CSGALNACT1: variants seen among roughly 807,000 people sequenced by gnomAD.
The protein encoded by CSGALNACT1 is chondroitin sulfate N-acetylgalactosaminyltransferase 1.
Under a neutral mutation model 51.0 loss-of-function variants are expected in CSGALNACT1, and 52 were observed. The observed-to-expected ratio is 1.02, with a 90% CI of 0.82 to 1.29. CSGALNACT1 has a LOEUF of 1.29. Among genes scored for constraint, CSGALNACT1 ranks in the 50% most tolerant of loss-of-function variants. The pLI is 0.00. For missense variants in CSGALNACT1, 935 were observed against 679.2 expected (o/e 1.38, Z -4.19); for synonymous variants, 341 against 254.4 (o/e 1.34, Z -3.24).
At chr8:19,468,314 C>T (rs537344302) in intron 4 of CSGALNACT1, among the ~76,000 whole-genome samples, 5 of 152,220 alleles carry the variant, frequency 3.3e-5, no homozygotes, top group Admixed American at 6.5e-5. Context: ...TGAGGCAGTT[C>T]GGCAAGGCTG....
At chr8:19,483,881 G>A (rs2072151095) in intron 4 of CSGALNACT1, among the ~76,000 whole-genome samples, 1 of 152,136 alleles carries the variant, frequency 6.6e-6, no homozygotes, top group South Asian at 2.1e-4. Context: ...ACCTCAATCT[G>A]ACAGATAGCT....
chr8:19,407,883 T>G (rs570080946), intron 9 of CSGALNACT1, among the ~76,000 whole-genome samples: 10 of 151,266 alleles, frequency 6.6e-5, no homozygotes, highest in African/African-American at 2.5e-4. Context: ...TGTGTGTGCA[T>G]GTGGACATTT....
intron 6 of CSGALNACT1, among the ~76,000 whole-genome samples, chr8:19,435,039 A>AC (rs1483137867): frequency 6.6e-6 from 1 of 152,016 alleles, no homozygotes; most frequent in African/African-American, 2.4e-5. Context: ...AGCATCACAT[A>AC]CACTCTGGCA....
intron 3 of CSGALNACT1, among the ~76,000 whole-genome samples, chr8:19,542,387 G>T (rs939164212): frequency 6.6e-6 from 1 of 152,176 alleles, no homozygotes; most frequent in Non-Finnish European, 1.5e-5. Context: ...GACTGGAACA[G>T]TATTAGCGGC....
At chr8:19,418,394 A>G (rs1480417545) in intron 8 of CSGALNACT1, among the ~76,000 whole-genome samples, 1 of 152,220 alleles carries the variant, frequency 6.6e-6, no homozygotes, top group Non-Finnish European at 1.5e-5. Flanking sequence ...ACCAGTTTCC[A>G]AAAACCAGTG....
intron 3 of CSGALNACT1, among the ~76,000 whole-genome samples, chr8:19,516,759 A>G (rs1296037075): frequency 6.6e-6 from 1 of 152,172 alleles, no homozygotes; most frequent in Non-Finnish European, 1.5e-5. Flanking sequence ...AATGTCACCC[A>G]TTACTCCTTG....
At chr8:19,733,804 C>T (rs954083220) in intron 1 of CSGALNACT1, among the ~76,000 whole-genome samples, 22 of 152,136 alleles carry the variant, frequency 1.4e-4, no homozygotes, top group Non-Finnish European at 1.3e-4. Context: ...GTCATTAAGG[C>T]CCTTTTTTTT....
intron 1 of CSGALNACT1, among the ~76,000 whole-genome samples, chr8:19,730,581 CT>C (rs1176848125): frequency 6.6e-6 from 1 of 152,162 alleles, no homozygotes; most frequent in African/African-American, 2.4e-5. Context: ...GAAGGAATAA[CT>C]AGGCCATCAT....
chr8:19,665,814 G>C (rs951100811), intron 1 of CSGALNACT1, among the ~76,000 whole-genome samples: 1 of 152,176 alleles, frequency 6.6e-6, no homozygotes, highest in East Asian at 1.9e-4. Flanking sequence ...AACTAAAAAT[G>C]TGTTCTTCGC....
intron 3 of CSGALNACT1, among the ~76,000 whole-genome samples, chr8:19,526,380 T>G (rs2081708017): frequency 6.6e-6 from 1 of 152,166 alleles, no homozygotes; most frequent in Non-Finnish European, 1.5e-5. Flanking sequence ...GTGAAGAGAA[T>G]GAGACCATCC....
At chr8:19,457,921 C>T (rs1190233591) in intron 5 of CSGALNACT1, 1 of 709,426 alleles carries the variant, frequency 1.4e-6, no homozygotes, top group East Asian at 6.3e-5. Context: ...ATGCAGGTTA[C>T]AATAAAAGAT....
intron 4 of CSGALNACT1, among the ~76,000 whole-genome samples, chr8:19,492,890 G>GT (rs2153967200): frequency 6.6e-6 from 1 of 152,018 alleles, no homozygotes; most frequent in East Asian, 1.9e-4. Flanking sequence ...TAATCTTATG[G>GT]TAAAAATAAG....
intron 6 of CSGALNACT1, among the ~76,000 whole-genome samples, 180 bp from the exon 6 acceptor site, chr8:19,420,698 A>G (rs1160071016): frequency 6.6e-6 from 1 of 152,228 alleles, no homozygotes; most frequent in African/African-American, 2.4e-5. Flanking sequence ...CTGGGATCGA[A>G]GGTACCAAGA....
At chr8:19,581,969 T>G (rs1012543730) in intron 3 of CSGALNACT1, among the ~76,000 whole-genome samples, 2 of 152,238 alleles carry the variant, frequency 1.3e-5, no homozygotes, top group South Asian at 2.1e-4. Flanking sequence ...AATTCAGATG[T>G]AAAGGTTGCA....
At chr8:19,460,136 A>G (rs1224202234) in intron 4 of CSGALNACT1, among the ~76,000 whole-genome samples, 1 of 152,188 alleles carries the variant, frequency 6.6e-6, no homozygotes, top group African/African-American at 2.4e-5. Context: ...ACAAAGGTAA[A>G]ACCCAACAAA....
At chr8:19,492,250 G>C (rs796359062) in intron 4 of CSGALNACT1, among the ~76,000 whole-genome samples, 1 of 152,162 alleles carries the variant, frequency 6.6e-6, no homozygotes, top group Non-Finnish European at 1.5e-5. Context: ...AGATCAACCA[G>C]CATACTGCTA....
intron 6 of CSGALNACT1, among the ~76,000 whole-genome samples, 163 bp downstream of exon 5, chr8:19,439,667 G>A (rs1312535410): frequency 6.6e-6 from 1 of 152,218 alleles, no homozygotes; most frequent in East Asian, 1.9e-4. Context: ...GTCTCCTGCG[G>A]AAGAGGAGTG....
chr8:19,647,006 A>C (rs1255675733), intron 1 of CSGALNACT1, among the ~76,000 whole-genome samples: 2 of 152,128 alleles, frequency 1.3e-5, no homozygotes, highest in African/African-American at 2.4e-5. Context: ...TGAAAGCTAC[A>C]CGGCTGAGTG....
Position 19,407,905 on chromosome 8 carries a change from T to TTGTG in CSGALNACT1, c.1309+704_1309+707dup, listed in dbSNP as rs60746708. 5.1e-3 allele frequency among the ~76,000 whole-genome samples: 572 copies of TTGTG among 112,746 alleles called. 2 individuals carry two copies. The highest frequency in any genetic ancestry group is 0.015 in the African/African-American group (468 of 31,730). The allele number at this position is 112,746 out of a possible 152,430, so 74.0% of individuals were successfully genotyped here. ...GCATGTGGACATTTGTGTATATGAA[T>TTGTG]TGTGTGTGTGTGTGTGTGTGTGTGT... On this transcript the variant is annotated intron_variant, in intron 9 of 9. Transcript: ENST00000454498.
Sources: gnomAD v4.1 joint callset for allele counts (sites outside exome capture counted in the v4.1 genomes callset) on GRCh38, gnomAD v4.1.1 for gene constraint, MANE v1.5 for transcripts, NCBI Gene and HGNC (gene_info 2026-07-23, HGNC 2026-07-21) for gene names.